CEP112: variants seen among roughly 807,000 people sequenced by gnomAD.
CEP112 encodes the protein centrosomal protein 112.
A neutral mutation model predicts 153.0 loss-of-function variants in CEP112; 127 were observed. That is an observed-to-expected ratio of 0.83 (90% CI 0.72 to 0.96). The LOEUF is 0.96. CEP112 is among the 40% of genes least tolerant of loss of function. The probability of loss-of-function intolerance (pLI) is 0.00; values close to 1 mark genes in which losing one functional copy is unlikely to be tolerated. For missense variants in CEP112, 1,089 were observed against 1,101.2 expected (o/e 0.99, Z 0.16); for synonymous variants, 358 against 374.4 (o/e 0.96, Z 0.51).
chr17:65,697,537 AT>A (rs539295844), intron 23 of CEP112, among the ~76,000 whole-genome samples: 211 of 149,930 alleles, frequency 1.4e-3, no homozygotes, highest in Middle Eastern at 0.01. Context: ...TTACAGACTT[AT>A]TTTTTTTTTA....
Position 65,642,923 on chromosome 17 carries a change from T to C in CEP112, c.2698-1858A>G, listed in dbSNP as rs1179091603. Among the ~76,000 whole-genome samples, 5 of 152,258 alleles carry C rather than the reference T, an allele frequency of 3.3e-5. No homozygotes were observed. In the East Asian group the frequency reaches 9.6e-4, roughly 29 times the overall value. On this transcript the variant is annotated intron_variant, in intron 24 of 26. Coordinates refer to ENST00000535342, the MANE Select transcript of CEP112 (RefSeq NM_001199165.4). ...TTTCCTTTTTAAACAAATTTTATTC[T>C]GTATTTTACTACTGAAATATGTTGT...
rs1429918047 is a variant in CEP112, at chr17:66,005,758, C to T, written c.1668G>A (p.Leu556=). 2 of 1,604,666 alleles carry T rather than the reference C, an allele frequency of 1.2e-6. No homozygotes were observed. Among genetic ancestry groups the T allele is most frequent in the East Asian group, 4.5e-5 (2 of 44,330 alleles). Residue 556 remains leucine, a synonymous_variant, in exon 17 of 27, where the codon TTG becomes TTA. Transcript: ENST00000535342. ...CTTTTCCTTTATCAAGTTCACTCTG[C>T]AAGTCATGAGCCTGCCATGACAAGA... ...KHIYEKKAHD[L]QSELDKGKED...
chr17:66,160,556 G>C (rs981956100), intron 4 of CEP112, among the ~76,000 whole-genome samples: 1 of 152,192 alleles, frequency 6.6e-6, no homozygotes, highest in Non-Finnish European at 1.5e-5. Flanking sequence ...ACAACCATCT[G>C]ATCTTTGACA....
At chr17:66,139,689 G>A (rs2070602410) in intron 4 of CEP112, among the ~76,000 whole-genome samples, 1 of 152,072 alleles carries the variant, frequency 6.6e-6, no homozygotes, top group Non-Finnish European at 1.5e-5. Flanking sequence ...TAACCCAGAT[G>A]AGATGACCAA....
At chr17:65,864,354 T>G (rs1736001971) in intron 20 of CEP112, among the ~76,000 whole-genome samples, 1 of 152,154 alleles carries the variant, frequency 6.6e-6, no homozygotes, top group Admixed American at 6.5e-5. Context: ...ACCCACGATG[T>G]AGCAAGGAAG....
chr17:66,074,860 T>TAAAAAAAAAAAAAAAAAAAAAA (rs34251281), intron 8 of CEP112, among the ~76,000 whole-genome samples: 1 of 95,712 alleles, frequency 1.0e-5, no homozygotes, highest in African/African-American at 4.2e-5. Flanking sequence ...AGGCTCTGTC[T>TAAAAAAAAAAAAAAAAAAAAAA]AAAAAAAAAA....
chr17:65,663,555 T>C (rs781191025), intron 24 of CEP112, among the ~76,000 whole-genome samples: 4 of 152,206 alleles, frequency 2.6e-5, no homozygotes, highest in Non-Finnish European at 4.4e-5. Flanking sequence ...TGGTAGAGAC[T>C]GGTGGGTAGT....
chr17:65,663,444 G>T (rs1041276119), intron 24 of CEP112, among the ~76,000 whole-genome samples: 1 of 152,190 alleles, frequency 6.6e-6, no homozygotes, highest in African/African-American at 2.4e-5. Flanking sequence ...TTAGTTTGTG[G>T]ATCACATATG....
In CEP112 at chr17:65,750,667, A is replaced by C; in HGVS notation, c.2452T>G (p.Ser818Ala). Residue 818 changes from serine (S) to alanine (A), a missense_variant, in exon 22 of 27, where the codon TCA (serine) becomes GCA (alanine). Coordinates refer to ENST00000535342, the MANE Select transcript of CEP112 (RefSeq NM_001199165.4). ...KEYTQKLAKS[S>A]QIIAELQTTI... ...TGTCTTTTAATGTTGCTTACCTGTG[A>C]AGATTTGGCAAGCTTCTGAGTGTAT... 10 of 1,613,844 alleles carry C rather than the reference A, an allele frequency of 6.2e-6. No homozygotes were observed. The highest frequency in any genetic ancestry group is 8.5e-6 in the Non-Finnish European group (10 of 1,179,828).
rs1598457579 is a variant in CEP112, at chr17:65,747,711, T to C, written c.2457+2951A>G. Among the ~76,000 whole-genome samples, 3 of 152,244 alleles carry C rather than the reference T, an allele frequency of 2.0e-5. No homozygotes were observed. In the South Asian group the frequency reaches 6.2e-4, roughly 32 times the overall value. On this transcript the variant is annotated intron_variant, in intron 22 of 26. Coordinates refer to ENST00000535342, the MANE Select transcript of CEP112 (RefSeq NM_001199165.4). ...TATTTGGGGGCGTGCCCAGAGATGA[T>C]GCAAACACTGCAGTGGTGGCGAGGG...
chr17:65,826,239 T>C lies in CEP112; in HGVS notation c.2394+25565A>G, dbSNP rs62065084. On this transcript the variant is annotated intron_variant, in intron 21 of 26. Coordinates refer to ENST00000535342, the MANE Select transcript of CEP112 (RefSeq NM_001199165.4). The stretch of plus-strand genomic sequence containing the variant: ...TTACCATTCTCTTCTCTCATCTCTA[T>C]CAGTCTCAGGGCTTGGTTTTCCTTG... The C allele has an allele frequency of 0.24, 391,453 of 1,613,880 alleles. 48,717 individuals carry two copies. The highest frequency in any genetic ancestry group is 0.26 in the South Asian group (23,358 of 91,068).
intron 20 of CEP112, among the ~76,000 whole-genome samples, chr17:65,882,108 C>T (rs953872976): frequency 1.3e-5 from 2 of 152,202 alleles, no homozygotes; most frequent in South Asian, 2.1e-4. Flanking sequence ...AAATTATACT[C>T]GTTTTGACTG....
intron 8 of CEP112, among the ~76,000 whole-genome samples, chr17:66,075,308 G>A (rs2067449887): frequency 6.6e-6 from 1 of 152,070 alleles, no homozygotes; most frequent in African/African-American, 2.4e-5. Context: ...AGATTTATGA[G>A]GTGGAAATTA....
In CEP112 at chr17:65,742,964, C is replaced by A. The variant is rs1598443435; in HGVS notation, c.2607+104G>T. On this transcript the variant is annotated intron_variant, in intron 23 of 26. Coordinates refer to ENST00000535342, the MANE Select transcript of CEP112 (RefSeq NM_001199165.4). ...ATGGAATTACTGCAGGCTGTGTGAA[C>A]AAGCCAGATACCCGCATTCATCTGC... is the stretch of plus-strand genomic sequence containing the variant. 2.0e-5 allele frequency: 17 copies of A among 861,796 alleles called. No individual in the cohort carries two copies. The East Asian group carries it at 4.7e-4, about 24-fold the overall frequency. 53.4% of individuals were successfully genotyped at this position (861,796 alleles called of 1,614,324 possible). A position where few individuals can be genotyped will look rare whatever the true frequency, so the allele number is the denominator to read the frequency against.
chr17:66,062,099 T>C (rs2066944182), intron 11 of CEP112, among the ~76,000 whole-genome samples: 1 of 152,242 alleles, frequency 6.6e-6, no homozygotes, highest in East Asian at 1.9e-4. Flanking sequence ...CTACCATGAC[T>C]GTAAGTTTCC....
intron 21 of CEP112, among the ~76,000 whole-genome samples, chr17:65,825,557 T>C (rs998233852): frequency 3.3e-5 from 5 of 152,154 alleles, no homozygotes; most frequent in Admixed American, 2.6e-4. Context: ...TGGGAGTTAC[T>C]GTTCAGTGGG....
intron 6 of CEP112, among the ~76,000 whole-genome samples, chr17:66,099,622 A>G (rs2068486515): frequency 6.6e-6 from 1 of 152,126 alleles, no homozygotes; most frequent in South Asian, 2.1e-4. Flanking sequence ...GTCCAGAACT[A>G]AGAAATAAAG....
intron 20 of CEP112, among the ~76,000 whole-genome samples, chr17:65,872,190 CTTTTAA>C (rs2146513148): frequency 6.6e-6 from 1 of 151,888 alleles, no homozygotes; most frequent in South Asian, 2.1e-4. Context: ...TTAAAATTAC[CTTTTAA>C]TTATATTAAC....
chr17:66,075,186 T>C (rs1183479208), intron 8 of CEP112, among the ~76,000 whole-genome samples: 2 of 152,172 alleles, frequency 1.3e-5, no homozygotes, highest in African/African-American at 4.8e-5. Flanking sequence ...AACACAACTA[T>C]TTAAAGATAA....
Sources: allele counts gnomAD v4.1 joint callset (sites outside exome capture counted in the v4.1 genomes callset), GRCh38; gene constraint gnomAD v4.1.1; transcripts MANE v1.5; gene names NCBI Gene and HGNC (gene_info 2026-07-23, HGNC 2026-07-21).